ENTREP2: variants seen among roughly 807,000 people sequenced by gnomAD.
ENTREP2 encodes the protein protein ENTREP2.
At chr15:29,253,194 C>T in the ENTREP2 span, among the ~76,000 whole-genome samples, 2 of 152,168 alleles carry the variant, frequency 1.3e-5, no homozygotes, top group Non-Finnish European at 2.9e-5. Flanking sequence ...ACACAGGATA[C>T]AAAGCAGGTC....
chr15:29,554,231 T>C, the ENTREP2 span, among the ~76,000 whole-genome samples: 1 of 151,710 alleles, frequency 6.6e-6, no homozygotes, highest in Non-Finnish European at 1.5e-5. Flanking sequence ...AGAGAATTGC[T>C]TGAACCCAGG....
the ENTREP2 span, among the ~76,000 whole-genome samples, chr15:29,670,825 G>C: frequency 6.6e-6 from 1 of 152,220 alleles, no homozygotes; most frequent in African/African-American, 2.4e-5. Flanking sequence ...AAGAAACATA[G>C]ATTTGGTCCT....
chr15:29,273,362 C>CT, the ENTREP2 span, among the ~76,000 whole-genome samples: 2 of 151,818 alleles, frequency 1.3e-5, no homozygotes, highest in African/African-American at 2.4e-5. Context: ...CCACGTCTGG[C>CT]TTTTTTTGTA....
chr15:29,654,540 C>T, the ENTREP2 span, among the ~76,000 whole-genome samples: 1 of 152,038 alleles, frequency 6.6e-6, no homozygotes, highest in Non-Finnish European at 1.5e-5. Flanking sequence ...TTTAAATTCC[C>T]CATTTCTATC....
At chr15:29,397,243 T>G in the ENTREP2 span, among the ~76,000 whole-genome samples, 1 of 152,036 alleles carries the variant, frequency 6.6e-6, no homozygotes, top group African/African-American at 2.4e-5. Context: ...TACAAACAAT[T>G]AGCCAGACAT....
At chr15:29,641,203 T>TA in the ENTREP2 span, among the ~76,000 whole-genome samples, 28 of 152,316 alleles carry the variant, frequency 1.8e-4, no homozygotes, top group African/African-American at 6.0e-4. Flanking sequence ...ATGAAAAACT[T>TA]ACAGCTAATA....
chr15:29,224,028 A>T, the ENTREP2 span, among the ~76,000 whole-genome samples: 1 of 152,014 alleles, frequency 6.6e-6, no homozygotes, highest in African/African-American at 2.4e-5. Flanking sequence ...ACTGACTTCC[A>T]GAACGAAGCC....
the ENTREP2 span, among the ~76,000 whole-genome samples, chr15:29,586,655 A>G: frequency 2.4e-4 from 37 of 152,108 alleles, no homozygotes; most frequent in African/African-American, 8.7e-4. Flanking sequence ...AGGCTGAGAC[A>G]CGAGAATCAC....
the ENTREP2 span, among the ~76,000 whole-genome samples, chr15:29,358,783 C>T: frequency 3.8e-4 from 57 of 150,934 alleles, no homozygotes; most frequent in African/African-American, 1.3e-3. Flanking sequence ...GCCGAAGAAA[C>T]GTGTAAAAAC....
the ENTREP2 span, among the ~76,000 whole-genome samples, chr15:29,590,700 A>AAG: frequency 1.2e-3 from 180 of 150,078 alleles, 4 homozygotes; most frequent in East Asian, 0.032. Context: ...AAAAAAAAAA[A>AAG]AAAAGAAAAA....
chr15:29,348,776 A>T, the ENTREP2 span, among the ~76,000 whole-genome samples: 5 of 152,228 alleles, frequency 3.3e-5, no homozygotes, highest in Non-Finnish European at 5.9e-5. Flanking sequence ...TTTCAGCCCC[A>T]TGGTGTCATA....
the ENTREP2 span, among the ~76,000 whole-genome samples, chr15:29,183,281 C>A: frequency 6.6e-6 from 1 of 152,172 alleles, no homozygotes; most frequent in Non-Finnish European, 1.5e-5. Flanking sequence ...CAGATCAAAA[C>A]AAATAGCCAT....
the ENTREP2 span, among the ~76,000 whole-genome samples, chr15:29,329,816 A>C: frequency 6.6e-6 from 1 of 152,234 alleles, no homozygotes; most frequent in African/African-American, 2.4e-5. Flanking sequence ...TAAAATAAAT[A>C]TCCATGAGTC....
At chr15:29,169,760 T>G in the ENTREP2 span, among the ~76,000 whole-genome samples, 1 of 152,098 alleles carries the variant, frequency 6.6e-6, no homozygotes, top group Non-Finnish European at 1.5e-5. Flanking sequence ...AAACTTGAAA[T>G]AGACAGGAGC....
the ENTREP2 span, among the ~76,000 whole-genome samples, chr15:29,600,914 T>TTTTTTTTTTTTTTTTTTTTTTTTTTG: frequency 6.9e-6 from 1 of 144,186 alleles, no homozygotes; most frequent in African/African-American, 2.8e-5. Flanking sequence ...TTTTTTTTTT[T>TTTTTTTTTTTTTTTTTTTTTTTTTTG]TGAGACAGAG....
the ENTREP2 span, among the ~76,000 whole-genome samples, chr15:29,551,060 C>T: frequency 3.3e-5 from 5 of 152,324 alleles, no homozygotes; most frequent in East Asian, 3.9e-4. Flanking sequence ...GCAGAGAACA[C>T]TACTGTAGTA....
At chr15:29,117,771 C>CT in the ENTREP2 span, 2 of 153,088 alleles carry the variant, frequency 1.3e-5, no homozygotes, top group African/African-American at 2.4e-5. Flanking sequence ...TTTTGGCAGG[C>CT]TTTTTTCCAG....
At chr15:29,508,920 GA>G in the ENTREP2 span, among the ~76,000 whole-genome samples, 1 of 152,190 alleles carries the variant, frequency 6.6e-6, no homozygotes, top group Non-Finnish European at 1.5e-5. Context: ...GCAAGAGAAA[GA>G]AATAAAGGGT....
chr15:29,557,174 C>T, the ENTREP2 span, among the ~76,000 whole-genome samples: 8 of 152,186 alleles, frequency 5.3e-5, no homozygotes, highest in Admixed American at 4.6e-4. Context: ...CTGTCTCAGG[C>T]CCTTGTGTTA....
Sources: allele counts gnomAD v4.1 joint callset (sites outside exome capture counted in the v4.1 genomes callset), GRCh38; gene constraint gnomAD v4.1.1; transcripts MANE v1.5; gene names NCBI Gene and HGNC (gene_info 2026-07-23, HGNC 2026-07-21).